The following CNTN3 variants were observed in gnomAD, a reference collection of about 807,000 sequenced individuals.
CNTN3 encodes the protein contactin-3.
Under a neutral mutation model 119.1 loss-of-function variants are expected in CNTN3, and 60 were observed. The ratio of observed to expected loss-of-function variants is 0.50; its 90% CI spans 0.41 to 0.62. CNTN3 has a LOEUF of 0.62. Among genes scored for constraint, CNTN3 ranks in the 20% least tolerant of loss-of-function variants. The pLI is 0.00. For missense variants in CNTN3, 1,101 were observed against 1,242.4 expected (o/e 0.89, Z 1.71); for synonymous variants, 450 against 438.7 (o/e 1.03, Z -0.32).
intron 14 of CNTN3, among the ~76,000 whole-genome samples, 186 bp from the exon 15 acceptor site, chr3:74,301,991 C>T (rs950752278): frequency 6.6e-5 from 10 of 152,200 alleles, no homozygotes; most frequent in African/African-American, 1.9e-4. Context: ...TCCCTCCCCG[C>T]ATTTCTGTTG....
At chr3:74,466,106 T>G (rs1160076512) in intron 4 of CNTN3, among the ~76,000 whole-genome samples, 1 of 151,942 alleles carries the variant, frequency 6.6e-6, no homozygotes, top group African/African-American at 2.4e-5. Context: ...TTAAAGCAAG[T>G]GGAACCTGAG....
At chr3:74,570,494 C>CG (rs1553682452) in intron 1 of CNTN3, among the ~76,000 whole-genome samples, 13 of 87,886 alleles carry the variant, frequency 1.5e-4, no homozygotes, top group Admixed American at 4.2e-4. Flanking sequence ...ACATTAAATG[C>CG]GGGAAAAAAA....
rs550901661 is a variant in CNTN3, at chr3:74,338,492, G to A, written c.1365-1834C>T. ...CACATATGTGCGTATGTGTACACAC[G>A]TGCGTGTGTGTGTGTATACACATAT... On this transcript the variant is annotated intron_variant, in intron 11 of 22. Transcript: ENST00000263665. Among the ~76,000 whole-genome samples the A allele has an allele frequency of 4.1e-3, 221 of 54,564 alleles. 1 individual carries two copies. Among genetic ancestry groups the A allele is most frequent in the Middle Eastern group, 0.011 (1 of 88 alleles). 35.8% of individuals were successfully genotyped at this position (54,564 alleles called of 152,430 possible). A position where few individuals can be genotyped will look rare whatever the true frequency, so the allele number is the denominator to read the frequency against.
intron 13 of CNTN3, among the ~76,000 whole-genome samples, chr3:74,317,321 C>T (rs1200297385): frequency 1.5e-4 from 23 of 151,484 alleles, no homozygotes; most frequent in African/African-American, 5.1e-4. Flanking sequence ...TTAATTGGAG[C>T]ATTTAGCCCA....
At chr3:74,592,420 TA>T (rs201019442) in intron 1 of CNTN3, among the ~76,000 whole-genome samples, 5 of 151,500 alleles carry the variant, frequency 3.3e-5, no homozygotes, top group South Asian at 2.1e-4. Flanking sequence ...CAAGAATTGT[TA>T]AAAAAAATAC....
intron 19 of CNTN3, among the ~76,000 whole-genome samples, chr3:74,285,835 A>C (rs1180136893): frequency 7.5e-6 from 1 of 133,422 alleles, no homozygotes; most frequent in Admixed American, 7.4e-5. Context: ...ATATATATAT[A>C]TATAAAATTA....
chr3:74,428,632 T>C (rs1027065587), intron 4 of CNTN3, among the ~76,000 whole-genome samples: 1 of 152,216 alleles, frequency 6.6e-6, no homozygotes, highest in Non-Finnish European at 1.5e-5. Flanking sequence ...AATACAAATA[T>C]TATAGTAAGC....
intron 11 of CNTN3, among the ~76,000 whole-genome samples, chr3:74,338,291 T>C (rs909782359): frequency 3.9e-5 from 6 of 152,068 alleles, no homozygotes; most frequent in East Asian, 1.9e-4. Context: ...AAAATGTTTA[T>C]TGCAAAATTT....
intron 5 of CNTN3, among the ~76,000 whole-genome samples, chr3:74,390,603 T>C (rs1231182242): frequency 6.6e-6 from 1 of 152,158 alleles, no homozygotes; most frequent in Non-Finnish European, 1.5e-5. Flanking sequence ...CAGTCCTTAC[T>C]TGGAATTGTA....
chr3:74,569,336 C>CT (rs1275463219), intron 1 of CNTN3, among the ~76,000 whole-genome samples: 1 of 152,136 alleles, frequency 6.6e-6, no homozygotes, highest in Admixed American at 6.5e-5. Context: ...AGCCAGCTCC[C>CT]TTACCACAGA....
At chr3:74,353,446 C>T (rs893265731) in intron 11 of CNTN3, among the ~76,000 whole-genome samples, 9 of 152,164 alleles carry the variant, frequency 5.9e-5, no homozygotes, top group African/African-American at 2.2e-4. Flanking sequence ...GAATGTAAAA[C>T]TGCATGTAAC....
At chr3:74,545,999 T>G (rs1703909240) in intron 1 of CNTN3, among the ~76,000 whole-genome samples, 1 of 151,300 alleles carries the variant, frequency 6.6e-6, no homozygotes, top group Non-Finnish European at 1.5e-5. Context: ...TTTCCTTTCT[T>G]TTTTTTTTCT....
At chr3:74,398,836 G>C (rs988337227) in intron 5 of CNTN3, among the ~76,000 whole-genome samples, 1 of 152,082 alleles carries the variant, frequency 6.6e-6, no homozygotes, top group East Asian at 1.9e-4. Flanking sequence ...ATTTATATAA[G>C]CTTTGATTGA....
intron 1 of CNTN3, among the ~76,000 whole-genome samples, chr3:74,558,385 T>C (rs888916288): frequency 6.6e-6 from 1 of 152,200 alleles, no homozygotes; most frequent in Admixed American, 6.5e-5. Flanking sequence ...AAGAAACTTA[T>C]TAGGAGTAAA....
At chr3:74,565,315 G>A (rs1258230705) in intron 1 of CNTN3, among the ~76,000 whole-genome samples, 1 of 152,160 alleles carries the variant, frequency 6.6e-6, no homozygotes, top group Non-Finnish European at 1.5e-5. Context: ...GCTGACCACA[G>A]TCCTTGCCTT....
At chr3:74,478,242 TG>T in intron 4 of CNTN3, among the ~76,000 whole-genome samples, 1 of 152,072 alleles carries the variant, frequency 6.6e-6, no homozygotes, top group Non-Finnish European at 1.5e-5. Context: ...GGCTTAGGAC[TG>T]GGGGTAGCAG....
At chr3:74,464,136 C>A (rs1438260486) in intron 4 of CNTN3, among the ~76,000 whole-genome samples, 2 of 152,122 alleles carry the variant, frequency 1.3e-5, no homozygotes, top group African/African-American at 4.8e-5. Flanking sequence ...TCCCCTCCTA[C>A]AATCTGTGTT....
chr3:74,417,200 C>T (rs1425998867), intron 5 of CNTN3, among the ~76,000 whole-genome samples: 1 of 152,148 alleles, frequency 6.6e-6, no homozygotes, highest in African/African-American at 2.4e-5. Context: ...TAACTAGTCA[C>T]TAGCAAACTC....
At chr3:74,441,271 C>A (rs6549595) in intron 4 of CNTN3, among the ~76,000 whole-genome samples, 121,571 of 152,056 alleles carry the variant, frequency 0.8, 49,094 homozygotes, top group African/African-American at 0.9. Context: ...CCCCAAAATA[C>A]ACTAAAGCAT....
Sources: allele counts gnomAD v4.1 joint callset (sites outside exome capture counted in the v4.1 genomes callset), GRCh38; gene constraint gnomAD v4.1.1; transcripts MANE v1.5; gene names NCBI Gene and HGNC (gene_info 2026-07-23, HGNC 2026-07-21).